Variants in PABPC4L observed in about 807,000 individuals in gnomAD.
PABPC4L encodes the protein polyadenylate-binding protein 4-like.
For missense variants in PABPC4L, 452 were observed against 451.4 expected, an observed-to-expected ratio of 1.00 and a Z score of -0.01; for synonymous variants, 169 against 164.1, an observed-to-expected ratio of 1.03 and a Z score of -0.23.
At chr4:134,129,593 T>C in the PABPC4L span, among the ~76,000 whole-genome samples, 26 of 152,040 alleles carry the variant, frequency 1.7e-4, no homozygotes, top group Non-Finnish European at 4.4e-5. Flanking sequence ...AACAATGAAA[T>C]CGAGATGGAA....
the PABPC4L span, among the ~76,000 whole-genome samples, chr4:134,161,660 G>T: frequency 1.3e-5 from 2 of 152,120 alleles, no homozygotes; most frequent in Admixed American, 6.5e-5. Context: ...TCTTACAAGA[G>T]ATGCTAAAGA....
chr4:134,052,012 G>GA, the PABPC4L span, among the ~76,000 whole-genome samples: 1 of 151,748 alleles, frequency 6.6e-6, no homozygotes, highest in Non-Finnish European at 1.5e-5. Context: ...TTTAAAAAAA[G>GA]AAAAAACAAT....
the PABPC4L span, among the ~76,000 whole-genome samples, chr4:134,094,669 A>G: frequency 1.3e-5 from 2 of 151,814 alleles, no homozygotes; most frequent in African/African-American, 2.4e-5. Context: ...ATATGTTTAA[A>G]TCACTAAAAA....
chr4:134,058,247 T>G, the PABPC4L span, among the ~76,000 whole-genome samples: 29 of 151,944 alleles, frequency 1.9e-4, no homozygotes, highest in Non-Finnish European at 3.2e-4. Flanking sequence ...TTAAATAAAT[T>G]GAGAAGAAGA....
the PABPC4L span, among the ~76,000 whole-genome samples, chr4:134,055,184 C>T: frequency 6.6e-6 from 1 of 151,890 alleles, no homozygotes; most frequent in Non-Finnish European, 1.5e-5. Context: ...CTCAATATGA[C>T]TTTATTTGGA....
chr4:133,993,322 A>G, the PABPC4L span, among the ~76,000 whole-genome samples: 1 of 152,092 alleles, frequency 6.6e-6, no homozygotes, highest in African/African-American at 2.4e-5. Context: ...TGCCTGTAGA[A>G]TGTTGGATGT....
the PABPC4L span, among the ~76,000 whole-genome samples, chr4:134,085,709 G>T: frequency 1.3e-5 from 2 of 152,088 alleles, no homozygotes; most frequent in Non-Finnish European, 2.9e-5. Context: ...TCCATTCAAA[G>T]TTATGTTTGT....
At chr4:134,191,489 AG>A (rs1462851077), downstream of PABPC4L, among the ~76,000 whole-genome samples, 1 of 152,162 alleles carries the variant, frequency 6.6e-6, no homozygotes, top group African/African-American at 2.4e-5. Context: ...AATAATACAA[AG>A]TATGCTCACC....
rs561534176 is a variant in PABPC4L, at chr4:134,199,983, G to A, written c.1037C>T (p.Thr346Ile). The change falls in exon 2 of 2, where the codon ACT becomes ATT. Residue 346 changes from threonine to isoleucine, a missense_variant. Thr to Ile is a moderately conservative substitution (Grantham distance 89). Transcript: ENST00000421491. ...GCCATTCATCTCAGTCATTGCTTTA[G>A]TAGCATCCTCAGGAGAGGAGAAGCA... ...LICFSSPEDA[T>I]KAMTEMNGRI... The A allele has an allele frequency of 6.4e-7, 1 of 1,551,608 alleles. No individual in the cohort carries two copies. Among genetic ancestry groups the A allele is most frequent in the African/African-American group, 1.4e-5 (1 of 73,150 alleles).
the PABPC4L span, among the ~76,000 whole-genome samples, chr4:133,985,035 T>C: frequency 1.5e-4 from 23 of 152,064 alleles, no homozygotes; most frequent in South Asian, 2.3e-3. Flanking sequence ...ACTACTTTCA[T>C]AGGAAGAAAT....
chr4:134,142,915 C>T, the PABPC4L span, among the ~76,000 whole-genome samples: 1 of 151,562 alleles, frequency 6.6e-6, no homozygotes, highest in Non-Finnish European at 1.5e-5. Flanking sequence ...GTTGGTTCTA[C>T]TTCTATTATC....
chr4:134,041,519 T>G, the PABPC4L span, among the ~76,000 whole-genome samples: 2 of 150,974 alleles, frequency 1.3e-5, no homozygotes, highest in Admixed American at 6.6e-5. Flanking sequence ...TAAATGGGAG[T>G]TGAACAATGA....
chr4:134,174,749 C>T, the PABPC4L span, among the ~76,000 whole-genome samples: 2 of 151,298 alleles, frequency 1.3e-5, no homozygotes, highest in East Asian at 1.9e-4. Context: ...TTTGTTTAAA[C>T]TTCATTTCTA....
chr4:134,168,506 T>G, the PABPC4L span, among the ~76,000 whole-genome samples: 5 of 151,278 alleles, frequency 3.3e-5, no homozygotes, highest in Non-Finnish European at 5.9e-5. Context: ...ATAAACAAAA[T>G]TAACAAACAT....
chr4:133,988,219 C>A, the PABPC4L span, among the ~76,000 whole-genome samples: 1 of 152,122 alleles, frequency 6.6e-6, no homozygotes, highest in African/African-American at 2.4e-5. Context: ...TCTCACATTT[C>A]AAAACACAAT....
At chr4:134,193,245 CT>C (rs372345679), downstream of PABPC4L, among the ~76,000 whole-genome samples, 3,594 of 147,916 alleles carry the variant, frequency 0.024, 136 homozygotes, top group African/African-American at 0.082. Flanking sequence ...ACTTACTTTA[CT>C]TTTTTTTTTA....
At chr4:134,023,084 C>A in the PABPC4L span, among the ~76,000 whole-genome samples, 1 of 151,968 alleles carries the variant, frequency 6.6e-6, no homozygotes, top group Non-Finnish European at 1.5e-5. Context: ...GTGTCTGCAC[C>A]TGTTATCAGA....
At chr4:134,081,757 A>C in the PABPC4L span, among the ~76,000 whole-genome samples, 1 of 152,058 alleles carries the variant, frequency 6.6e-6, no homozygotes, top group Non-Finnish European at 1.5e-5. Flanking sequence ...CCAACTAACC[A>C]AAAAAACACA....
At chr4:133,972,782 C>T in the PABPC4L span, among the ~76,000 whole-genome samples, 2 of 152,150 alleles carry the variant, frequency 1.3e-5, no homozygotes. Flanking sequence ...GGAGACTCTG[C>T]TTACCGACAT....
Sources: gnomAD v4.1 joint callset for allele counts (sites outside exome capture counted in the v4.1 genomes callset) on GRCh38, gnomAD v4.1.1 for gene constraint, MANE v1.5 for transcripts, NCBI Gene and HGNC (gene_info 2026-07-23, HGNC 2026-07-21) for gene names.